NAV3: variants seen among roughly 807,000 people sequenced by gnomAD.
The protein encoded by NAV3 is neuron navigator 3, also known as pore membrane and/or filament interacting like protein 1.
NAV3 carries 87 observed loss-of-function variants against 244.7 expected under a neutral mutation model. The ratio of observed to expected loss-of-function variants is 0.36; its 90% CI spans 0.30 to 0.42. NAV3 has a LOEUF of 0.42. Ranked by LOEUF, NAV3 falls within the 20% of genes least tolerant of loss-of-function variation. The pLI, the probability that NAV3 is intolerant of heterozygous loss-of-function variation, is 1.00. For synonymous variants in NAV3, 1,126 were observed against 1,042.2 expected, an observed-to-expected ratio of 1.08 and a Z score of -1.55; for missense variants, 2,663 against 2,893.3, an observed-to-expected ratio of 0.92 and a Z score of 1.83.
At chr12:78,151,537 T>C (rs1277767092) in intron 22 of NAV3, among the ~76,000 whole-genome samples, 1 of 151,978 alleles carries the variant, frequency 6.6e-6, no homozygotes, top group African/African-American at 2.4e-5. Context: ...TTATAGAAGG[T>C]CAAATTTTGT....
At chr12:77,792,862 C>T (rs1195030964) in intron 2 of NAV3, among the ~76,000 whole-genome samples, 1 of 152,078 alleles carries the variant, frequency 6.6e-6, no homozygotes, top group Non-Finnish European at 1.5e-5. Context: ...GGAGATTTGG[C>T]CAGTAAATAA....
intron 3 of NAV3, among the ~76,000 whole-genome samples, chr12:77,942,863 A>G (rs923832352): frequency 6.6e-6 from 1 of 152,210 alleles, no homozygotes; most frequent in Admixed American, 6.5e-5. Context: ...TAAGGCTTTC[A>G]GTTAAAAAGC....
At chr12:77,603,939 A>G (rs990120877) in intron 2 of NAV3, among the ~76,000 whole-genome samples, 1 of 152,136 alleles carries the variant, frequency 6.6e-6, no homozygotes, top group Non-Finnish European at 1.5e-5. Context: ...GGGTATAAGT[A>G]AAGAGTCTGT....
intron 18 of NAV3, chr12:78,130,327 G>T: frequency 4.9e-6 from 1 of 205,364 alleles, no homozygotes; most frequent in South Asian, 9.5e-5. Context: ...AATTTCATGC[G>T]ATCATTTTTT....
intron 2 of NAV3, among the ~76,000 whole-genome samples, chr12:77,790,813 A>C (rs1565815149): frequency 6.6e-6 from 1 of 152,070 alleles, no homozygotes; most frequent in Non-Finnish European, 1.5e-5. Context: ...AGGAGTGCAA[A>C]CCAGAGCCTC....
At chr12:78,095,725 T>C (rs575126192) in intron 12 of NAV3, among the ~76,000 whole-genome samples, 6 of 152,240 alleles carry the variant, frequency 3.9e-5, no homozygotes, top group African/African-American at 1.2e-4. Flanking sequence ...TGTTGGCCAG[T>C]TGGATAGAGG....
chr12:78,174,275 C>T (rs576457319), intron 24 of NAV3, among the ~76,000 whole-genome samples: 40 of 151,680 alleles, frequency 2.6e-4, no homozygotes, highest in Non-Finnish European at 4.7e-4. Flanking sequence ...CTTATAGTTG[C>T]TTGTATAAAA....
chr12:78,087,387 A>T (rs1226342132), intron 12 of NAV3, among the ~76,000 whole-genome samples: 1 of 152,052 alleles, frequency 6.6e-6, no homozygotes, highest in African/African-American at 2.4e-5. Flanking sequence ...TTTGTCCTGT[A>T]TAGCACAGAG....
chr12:78,207,049 G>C (rs1052341305), intron 39 of NAV3, among the ~76,000 whole-genome samples: 13 of 151,120 alleles, frequency 8.6e-5, no homozygotes, highest in Non-Finnish European at 1.6e-4. Flanking sequence ...ATAGAGACGG[G>C]GTTTCTCTAT....
chr12:77,789,575 G>A lies in NAV3; in HGVS notation c.73-150744G>A, dbSNP rs1054955168. 4.6e-5 allele frequency among the ~76,000 whole-genome samples: 7 copies of A among 151,504 alleles called. No individual in the cohort carries two copies. In the East Asian group the frequency reaches 5.8e-4, roughly 13 times the overall value. ...TGTAATCCCAGCAACTTTGGGAGGCGGAGGCGGGTGGATCACCTGAGGTCA... is the reference window on the plus strand; with the variant it reads ...TGTAATCCCAGCAACTTTGGGAGGCAGAGGCGGGTGGATCACCTGAGGTCA... On this transcript the variant is annotated intron_variant, in intron 2 of 8. Coordinates refer to the NAV3 transcript ENST00000550042.
At chr12:77,918,033 TC>T (rs1421636587) in intron 1 of NAV3, among the ~76,000 whole-genome samples, 1 of 152,032 alleles carries the variant, frequency 6.6e-6, no homozygotes, top group Non-Finnish European at 1.5e-5. Context: ...AGCAGTAGTG[TC>T]AACAAATTTA....
chr12:78,033,817 C>T (rs1470543241), intron 9 of NAV3, among the ~76,000 whole-genome samples: 1 of 152,102 alleles, frequency 6.6e-6, no homozygotes, highest in African/African-American at 2.4e-5. Flanking sequence ...TCAGGAAGAA[C>T]CATGTGATTT....
In NAV3 at chr12:78,148,937, T is replaced by A. The variant is rs1400129577; in HGVS notation, c.4785+18T>A. ...CAGCAAATGTAAGTCACTTCATTTT[T>A]AAAATATATTACAACAAATTTTTAT... On this transcript the variant is annotated intron_variant, in intron 22 of 39. Coordinates refer to ENST00000397909, the MANE Select transcript of NAV3 (RefSeq NM_001024383.2). 3 of 1,584,038 alleles carry A rather than the reference T, an allele frequency of 1.9e-6. No homozygotes were observed. Among genetic ancestry groups the A allele is most frequent in the Non-Finnish European group, 2.6e-6 (3 of 1,159,912 alleles).
At chr12:77,926,995 T>C (rs2137255293) in intron 1 of NAV3, among the ~76,000 whole-genome samples, 2 of 152,352 alleles carry the variant, frequency 1.3e-5, no homozygotes, top group East Asian at 3.9e-4. Flanking sequence ...ATTTATAGCA[T>C]GTTACTTGGT....
At chr12:77,965,004 G>A (rs1892386958) in intron 3 of NAV3, among the ~76,000 whole-genome samples, 1 of 151,910 alleles carries the variant, frequency 6.6e-6, no homozygotes, top group Non-Finnish European at 1.5e-5. Context: ...TTGCTATGAA[G>A]CTAAGCTAGG....
At chr12:77,660,044 T>G (rs867442469) in intron 2 of NAV3, among the ~76,000 whole-genome samples, 4 of 151,920 alleles carry the variant, frequency 2.6e-5, no homozygotes, top group Non-Finnish European at 5.9e-5. Context: ...CACCAGCATG[T>G]CACATGTATA....
chr12:77,822,248 G>C (rs938179614), intron 2 of NAV3, among the ~76,000 whole-genome samples: 1 of 152,174 alleles, frequency 6.6e-6, no homozygotes, highest in Non-Finnish European at 1.5e-5. Flanking sequence ...CACCTCTCCT[G>C]AGAAGTTCCT....
intron 2 of NAV3, among the ~76,000 whole-genome samples, chr12:77,802,007 AAATG>A (rs1388245643): frequency 7.2e-5 from 11 of 152,206 alleles, no homozygotes; most frequent in African/African-American, 2.4e-4. Context: ...ATGAACGAAT[AAATG>A]AATGATCATG....
chr12:77,808,069 A>T (rs1214117321), intron 2 of NAV3, among the ~76,000 whole-genome samples: 1 of 152,110 alleles, frequency 6.6e-6, no homozygotes, highest in Admixed American at 6.5e-5. Flanking sequence ...CTAGTTAGCA[A>T]TTCTTCTAAC....
Sources: gnomAD v4.1 joint callset for allele counts (sites outside exome capture counted in the v4.1 genomes callset) on GRCh38, gnomAD v4.1.1 for gene constraint, MANE v1.5 for transcripts, NCBI Gene and HGNC (gene_info 2026-07-23, HGNC 2026-07-21) for gene names.